The following SPATA6 variants were observed in gnomAD, a reference collection of about 807,000 sequenced individuals.
SPATA6 encodes spermatogenesis-associated protein 6.
A neutral mutation model predicts 65.3 loss-of-function variants in SPATA6; 56 were observed. The ratio of observed to expected loss-of-function variants is 0.86; its 90% CI spans 0.69 to 1.07. The LOEUF is 1.07. Ranked by LOEUF, SPATA6 falls within the 50% of genes least tolerant of loss-of-function variation. SPATA6 has a pLI of 0.00. For missense variants in SPATA6, 590 were observed against 594.8 expected, an observed-to-expected ratio of 0.99 and a Z score of 0.08; for synonymous variants, 199 against 213.2, an observed-to-expected ratio of 0.93 and a Z score of 0.58.
chr1:48,341,396 C>T (rs78970096), intron 11 of SPATA6, among the ~76,000 whole-genome samples: 7 of 152,250 alleles, frequency 4.6e-5, no homozygotes, highest in East Asian at 3.9e-4. Flanking sequence ...TGTCCTGCTC[C>T]GTCTGCCCAG....
chr1:48,458,734 T>C (rs530776034), intron 1 of SPATA6, among the ~76,000 whole-genome samples: 51 of 152,258 alleles, frequency 3.3e-4, no homozygotes, highest in African/African-American at 1.1e-3. Flanking sequence ...ATGTCCAGTA[T>C]AGGCAAATCT....
At position 48,399,522 on chromosome 1, in the gene SPATA6, T is replaced by C. The variant is rs754675744; in HGVS notation, c.609A>G (p.Ala203=). 9.4e-5 allele frequency: 151 copies of C among 1,613,176 alleles called. No individual in the cohort carries two copies. The highest frequency in any genetic ancestry group is 1.3e-4 in the Non-Finnish European group (151 of 1,179,470). Residue 203 remains alanine, a synonymous_variant, in exon 7 of 13, where the codon GCA becomes GCG. Coordinates refer to ENST00000371847, the MANE Select transcript of SPATA6 (RefSeq NM_019073.4). ...AAATTGTAGGCTGTTCGTAGTTTTTTGCATTTATACAGTATTTACTTCTCT... is the reference window on the plus strand; with the variant it reads ...AAATTGTAGGCTGTTCGTAGTTTTTCGCATTTATACAGTATTTACTTCTCT... The part of the protein sequence containing the change: ...SPERSKYCIN[A]KNYEQPTISS...
intron 11 of SPATA6, among the ~76,000 whole-genome samples, chr1:48,319,535 A>T (rs1434153452): frequency 1.3e-5 from 2 of 152,212 alleles, no homozygotes; most frequent in African/African-American, 4.8e-5. Flanking sequence ...TCACCAGAGA[A>T]GCCATGAAAA....
intron 3 of SPATA6, among the ~76,000 whole-genome samples, chr1:48,442,209 G>T (rs566309927): frequency 6.6e-6 from 1 of 152,172 alleles, no homozygotes; most frequent in Non-Finnish European, 1.5e-5. Flanking sequence ...AGGGACTGGC[G>T]CCCAGTTAGC....
rs753776477 is a variant in SPATA6, at chr1:48,411,495, T to G, written c.374A>C (p.Gln125Pro). ...QMSGHHDSNR[Q>P]VTMRRISGLR... ...GCCAGAAATCCTCCTCATGGTAACC[T>G]GGCGGTTTGAATCATGGTGTCCAGA... Residue 125 changes from glutamine (Q) to proline (P), a missense_variant, in exon 5 of 13, where the codon CAG becomes CCG. Coordinates refer to ENST00000371847, the MANE Select transcript of SPATA6 (RefSeq NM_019073.4). 55 of 1,609,838 alleles carry G rather than the reference T, an allele frequency of 3.4e-5. No homozygotes were observed. The highest frequency in any genetic ancestry group is 5.1e-5 in the Admixed American group (3 of 59,310).
chr1:48,284,154 A>G, the SPATA6 span, among the ~76,000 whole-genome samples: 1 of 151,496 alleles, frequency 6.6e-6, no homozygotes, highest in African/African-American at 2.4e-5. Flanking sequence ...CTCTAATCTT[A>G]TCTTCACACT....
At chr1:48,468,502 G>C (rs1288364788) in intron 1 of SPATA6, among the ~76,000 whole-genome samples, 1 of 152,164 alleles carries the variant, frequency 6.6e-6, no homozygotes, top group Non-Finnish European at 1.5e-5. Flanking sequence ...TGTACACTGT[G>C]AAATGATTAA....
At chr1:48,374,221 A>T (rs1647626845) in intron 9 of SPATA6, among the ~76,000 whole-genome samples, 1 of 152,156 alleles carries the variant, frequency 6.6e-6, no homozygotes. Context: ...TTACCTCTAT[A>T]AAAAAATCCA....
intron 9 of SPATA6, among the ~76,000 whole-genome samples, chr1:48,367,874 G>A (rs1040828559): frequency 5.1e-4 from 78 of 152,284 alleles, no homozygotes; most frequent in African/African-American, 1.6e-3. Flanking sequence ...ATTAGTTCAT[G>A]CAGTTTCTTC....
intron 3 of SPATA6, among the ~76,000 whole-genome samples, chr1:48,414,012 TGTATG>T: frequency 6.6e-6 from 1 of 152,228 alleles, no homozygotes; most frequent in Non-Finnish European, 1.5e-5. Flanking sequence ...TAGACCTCTA[TGTATG>T]GTACATATCA....
At chr1:48,436,461 C>T (rs1181009366) in intron 3 of SPATA6, 1 of 1,607,152 alleles carries the variant, frequency 6.2e-7, no homozygotes, top group Non-Finnish European at 8.5e-7. Context: ...GAAACATTAT[C>T]TTTGGAGCTG....
chr1:48,403,598 C>T (rs1557669363), intron 6 of SPATA6, among the ~76,000 whole-genome samples: 1 of 152,128 alleles, frequency 6.6e-6, no homozygotes, highest in Non-Finnish European at 1.5e-5. Flanking sequence ...ATGACATCCT[C>T]TATCATACAC....
At chr1:48,283,142 A>T in the SPATA6 span, among the ~76,000 whole-genome samples, 1 of 131,506 alleles carries the variant, frequency 7.6e-6, no homozygotes, top group Non-Finnish European at 1.5e-5. Flanking sequence ...ATGAGAACAC[A>T]TGGACACAGG....
At chr1:48,368,642 C>G (rs545000488) in intron 9 of SPATA6, among the ~76,000 whole-genome samples, 1 of 152,226 alleles carries the variant, frequency 6.6e-6, no homozygotes, top group African/African-American at 2.4e-5. Flanking sequence ...GCTTTCAGCT[C>G]CATTAGCTCC....
chr1:48,313,886 C>G (rs1269335713), intron 11 of SPATA6, among the ~76,000 whole-genome samples: 1 of 152,090 alleles, frequency 6.6e-6, no homozygotes, highest in Non-Finnish European at 1.5e-5. Context: ...GCAGGGGTTG[C>G]AATCCCAGTC....
chr1:48,342,526 G>C (rs967853646), intron 11 of SPATA6, among the ~76,000 whole-genome samples: 80 of 150,732 alleles, frequency 5.3e-4, no homozygotes, highest in Non-Finnish European at 8.8e-4. Flanking sequence ...TAAGGCAGGA[G>C]AATGGCATGA....
intron 3 of SPATA6, among the ~76,000 whole-genome samples, chr1:48,434,178 TTA>T (rs1231842675): frequency 6.6e-6 from 1 of 151,510 alleles, no homozygotes; most frequent in Non-Finnish European, 1.5e-5. Context: ...ATGAAGCATT[TTA>T]TGATATTTTG....
intron 3 of SPATA6, among the ~76,000 whole-genome samples, chr1:48,415,920 G>A (rs1426481545): frequency 1.3e-5 from 2 of 152,006 alleles, no homozygotes; most frequent in African/African-American, 2.4e-5. Context: ...GAAAACTCTT[G>A]CGCCAGGCAC....
At chr1:48,319,773 GGCACT>G (rs2148697793) in intron 11 of SPATA6, among the ~76,000 whole-genome samples, 1 of 152,226 alleles carries the variant, frequency 6.6e-6, no homozygotes, top group South Asian at 2.1e-4. Flanking sequence ...ATTGTGTACA[GGCACT>G]GCTCAAGCCC....
Sources: allele counts gnomAD v4.1 joint callset (sites outside exome capture counted in the v4.1 genomes callset), GRCh38; gene constraint gnomAD v4.1.1; transcripts MANE v1.5; gene names NCBI Gene and HGNC (gene_info 2026-07-23, HGNC 2026-07-21).